HNRNPM: variants seen among roughly 807,000 people sequenced by gnomAD.
HNRNPM encodes CEA receptor.
A neutral mutation model predicts 73.1 loss-of-function variants in HNRNPM; 11 were observed. The ratio of observed to expected loss-of-function variants is 0.15; its 90% confidence interval spans 0.09 to 0.25. The LOEUF (loss-of-function observed/expected upper bound fraction) is 0.25. HNRNPM is among the 10% of genes least tolerant of loss of function. HNRNPM has a pLI of 1.00. For missense variants in HNRNPM, 789 were observed against 1,067.9 expected, an observed-to-expected ratio of 0.74 and a Z score of 3.64; for synonymous variants, 407 against 355.2, an observed-to-expected ratio of 1.15 and a Z score of -1.64.
chr19:8,464,750 T>C (rs1969625922), intron 5 of HNRNPM, among the ~76,000 whole-genome samples: 1 of 152,190 alleles, frequency 6.6e-6, no homozygotes, highest in South Asian at 2.1e-4. Flanking sequence ...TCTTTTTTAG[T>C]GCTGATGGTG....
rs1969452866 is a variant in HNRNPM, at chr19:8,462,226, C to CT, written c.284-302dup. 3.1e-6 allele frequency: 1 copy of CT among 327,404 alleles called. No individual in the cohort carries two copies. The highest frequency in any genetic ancestry group is 5.8e-6 in the Non-Finnish European group (1 of 173,716). The allele number at this position is 327,404 out of a possible 1,614,324, so 20.3% of individuals were successfully genotyped here. A position where few individuals can be genotyped will look rare whatever the true frequency, so the allele number is the denominator to read the frequency against. On this transcript the variant is annotated intron_variant, in intron 2 of 15. Transcript: ENST00000325495. This position sits in a 1 kb window ranked among gnomAD's most constrained non-coding sequence, Gnocchi z 4.5. ...AAAGTAAATCACGCAGACTTCTTTC[C>CT]TATAGATTTGGATTGCCTCTAGTCA...
chr19:8,449,343 G>T (rs916515426), intron 1 of HNRNPM, among the ~76,000 whole-genome samples: 1 of 152,174 alleles, frequency 6.6e-6, no homozygotes, highest in Non-Finnish European at 1.5e-5. Context: ...CAGTCATAGG[G>T]TTGAAAGCTA....
chr19:8,445,178 C>T (rs1365686133), intron 1 of HNRNPM, 67 bp downstream of exon 1: 9 of 1,284,988 alleles, frequency 7.0e-6, no homozygotes, highest in Admixed American at 4.2e-5. Context: ...GGCGGCGGCT[C>T]CGTTAGGTCT....
At chr19:8,481,797 G>A (rs1970935067) in intron 12 of HNRNPM, among the ~76,000 whole-genome samples, 1 of 152,134 alleles carries the variant, frequency 6.6e-6, no homozygotes, top group South Asian at 2.1e-4. Flanking sequence ...CTCGGCTCAG[G>A]CATGCCGGGC....
In HNRNPM at chr19:8,444,980, A is replaced by G. The variant is rs1446837500; in HGVS notation, c.-19A>G. The G allele has an allele frequency of 2.9e-6, 4 of 1,386,972 alleles. No homozygotes were observed. Among genetic ancestry groups the G allele is most frequent in the Non-Finnish European group, 3.7e-6 (4 of 1,068,980 alleles). 85.9% of individuals were successfully genotyped at this position (1,386,972 alleles called of 1,614,324 possible). A position where few individuals can be genotyped will look rare whatever the true frequency, so the allele number is the denominator to read the frequency against. On this transcript the variant is annotated 5_prime_UTR_variant, in exon 1 of 16. Transcript: ENST00000325495. ...GCGGTGCAGCCCGTTCGCTCACACA[A>G]AGCCCAGACGCGGAGAAAATGGCGG...
intron 1 of HNRNPM, among the ~76,000 whole-genome samples, chr19:8,454,800 C>G (rs943240711): frequency 2.6e-5 from 4 of 151,120 alleles, no homozygotes; most frequent in African/African-American, 9.7e-5. Flanking sequence ...CCTCTCTTCT[C>G]CTGTTTCTGT....
Position 8,483,154 on chromosome 19 carries a change from T to A in HNRNPM, c.1121-4T>A. 1.2e-6 allele frequency: 2 copies of A among 1,605,894 alleles called. No individual in the cohort carries two copies. Among genetic ancestry groups the A allele is most frequent in the Non-Finnish European group, 1.7e-6 (2 of 1,174,176 alleles). On this transcript the variant is annotated splice_polypyrimidine_tract_variant and splice_region_variant and intron_variant, in intron 12 of 15. Transcript: ENST00000325495. ...TAATTTTTTTTTCTTCCTGATTTCC[T>A]TAGAAATCCTAAGTAATGCACTGAA... is the stretch of plus-strand genomic sequence containing the variant.
intron 9 of HNRNPM, 91 bp downstream of exon 9, chr19:8,468,925 C>G: frequency 9.7e-7 from 1 of 1,025,692 alleles, no homozygotes; most frequent in Non-Finnish European, 1.5e-6. Flanking sequence ...GAACCTGTGC[C>G]AGGTTAGCCC....
chr19:8,448,815 A>G (rs995216768), intron 1 of HNRNPM, among the ~76,000 whole-genome samples: 1 of 152,086 alleles, frequency 6.6e-6, no homozygotes, highest in Non-Finnish European at 1.5e-5. Flanking sequence ...TGAATAAGAA[A>G]CAGATGGATT....
At chr19:8,445,491 C>T (rs980294227) in intron 1 of HNRNPM, 7 of 171,606 alleles carry the variant, frequency 4.1e-5, no homozygotes, top group Non-Finnish European at 6.2e-5. Context: ...GCCCCCCGTC[C>T]CCTCTCCTCC....
chr19:8,473,944 T>C (rs1970331790), intron 11 of HNRNPM, among the ~76,000 whole-genome samples: 1 of 151,974 alleles, frequency 6.6e-6, no homozygotes, highest in Non-Finnish European at 1.5e-5. Context: ...TATGCCTCTT[T>C]TTGCTTGTCT....
Position 8,486,171 on chromosome 19 carries a change from G to C in HNRNPM, c.1743G>C (p.Leu581=), listed in dbSNP as rs895521937. 1 of 1,606,048 alleles carries C rather than the reference G, an allele frequency of 6.2e-7. No homozygotes were observed. Among genetic ancestry groups the C allele is most frequent in the Admixed American group, 1.7e-5 (1 of 59,948 alleles). ...CCAACAGCCTCGAGCGCATGGGCCT[G>C]GAGCGCATGGGTGCCAACAGCCTCG... ...MGANSLERMG[L]ERMGANSLER... is the part of the protein sequence containing the mutation. The change falls in exon 14 of 16, where the codon CTG becomes CTC. Residue 581 remains leucine (L), a synonymous_variant. Transcript: ENST00000325495.
intron 2 of HNRNPM, among the ~76,000 whole-genome samples, chr19:8,460,243 TA>T (rs199848185): frequency 0.01 from 1,533 of 152,360 alleles, 32 homozygotes; most frequent in African/African-American, 0.034. Flanking sequence ...TTTGCTTTGC[TA>T]TTGTAGAACC....
chr19:8,446,850 C>A, intron 1 of HNRNPM, among the ~76,000 whole-genome samples: 1 of 152,122 alleles, frequency 6.6e-6, no homozygotes. Flanking sequence ...AGAAAAACTT[C>A]CTCTATTCCC....
intron 13 of HNRNPM, 104 bp downstream of exon 13, chr19:8,483,315 C>T (rs1971050263): frequency 5.9e-6 from 5 of 849,998 alleles, no homozygotes; most frequent in Admixed American, 2.2e-5. Flanking sequence ...CACAGACTGC[C>T]CGGGGTGGGA....
chr19:8,483,684 CATCGCCCAGTG>C (rs1397333760), intron 13 of HNRNPM, among the ~76,000 whole-genome samples: 1 of 152,202 alleles, frequency 6.6e-6, no homozygotes, highest in Non-Finnish European at 1.5e-5. Flanking sequence ...TCTGAAACCC[CATCGCCCAGTG>C]ATGACTGCCG....
chr19:8,474,121 TA>T, intron 11 of HNRNPM, 45 bp from the exon 12 acceptor site: 1 of 1,388,916 alleles, frequency 7.2e-7, no homozygotes, highest in Non-Finnish European at 9.9e-7. Context: ...CTGCTTAGTC[TA>T]AGCAGTCTTG....
At chr19:8,448,858 G>A (rs1368830359) in intron 1 of HNRNPM, among the ~76,000 whole-genome samples, 1 of 151,962 alleles carries the variant, frequency 6.6e-6, no homozygotes, top group Non-Finnish European at 1.5e-5. Flanking sequence ...ATATATTTAG[G>A]GTAGATTCCT....
chr19:8,448,627 G>A (rs1318653943), intron 1 of HNRNPM, among the ~76,000 whole-genome samples: 6 of 151,838 alleles, frequency 4.0e-5, no homozygotes, highest in African/African-American at 7.3e-5. Context: ...ACAGGCGCCC[G>A]CCACCATGCC....
Sources: gnomAD v4.1 joint callset for allele counts (sites outside exome capture counted in the v4.1 genomes callset) on GRCh38, gnomAD v4.1.1 for gene constraint, Gnocchi (gnomAD v3.1) non-coding constraint, MANE v1.5 for transcripts, NCBI Gene and HGNC (gene_info 2026-07-23, HGNC 2026-07-21) for gene names.